Variants in HPSE2 observed in about 807,000 individuals in gnomAD.
The protein encoded by HPSE2 is inactive heparanase-2.
HPSE2 carries 38 observed loss-of-function variants against 60.5 expected under a neutral mutation model. The ratio of observed to expected loss-of-function variants is 0.63; its 90% CI spans 0.48 to 0.82. HPSE2 has a LOEUF of 0.82. Ranked by LOEUF, HPSE2 falls within the 40% of genes least tolerant of loss-of-function variation. The pLI is 0.00. For synonymous variants in HPSE2, 295 were observed against 293.2 expected, an observed-to-expected ratio of 1.01 and a Z score of -0.06; for missense variants, 713 against 740.4, an observed-to-expected ratio of 0.96 and a Z score of 0.43.
chr10:98,606,149 C>G (rs522186), intron 9 of HPSE2, among the ~76,000 whole-genome samples: 55,144 of 151,994 alleles, frequency 0.36, 10,460 homozygotes, highest in African/African-American at 0.48. Context: ...TCAGAATCTA[C>G]AAGTGTCTGG....
intron 3 of HPSE2, among the ~76,000 whole-genome samples, chr10:98,914,499 T>C (rs1180933659): frequency 1.3e-5 from 2 of 151,030 alleles, no homozygotes; most frequent in African/African-American, 4.9e-5. Context: ...AACTATAAAA[T>C]AAAAATTAAG....
At chr10:98,561,617 G>A (rs538164535) in intron 9 of HPSE2, among the ~76,000 whole-genome samples, 45 of 152,306 alleles carry the variant, frequency 3.0e-4, no homozygotes, top group African/African-American at 1.1e-3. Context: ...GGAGGCCAAG[G>A]CAGGCAGATC....
At chr10:98,567,164 G>T (rs921617797) in intron 9 of HPSE2, among the ~76,000 whole-genome samples, 2 of 152,176 alleles carry the variant, frequency 1.3e-5, no homozygotes. Context: ...GACACAGGTA[G>T]CCCAAGCAAC....
intron 3 of HPSE2, among the ~76,000 whole-genome samples, chr10:98,885,787 AC>A (rs1953147510): frequency 2.0e-5 from 3 of 152,118 alleles, no homozygotes; most frequent in Admixed American, 6.6e-5. Flanking sequence ...GCACTGTGAA[AC>A]CAAAAACCTC....
At chr10:98,867,823 G>A (rs1952628226) in intron 3 of HPSE2, among the ~76,000 whole-genome samples, 1 of 152,124 alleles carries the variant, frequency 6.6e-6, no homozygotes, top group Non-Finnish European at 1.5e-5. Context: ...ACTTTGGGAG[G>A]CCAAGGCAGG....
intron 3 of HPSE2, among the ~76,000 whole-genome samples, chr10:99,037,854 A>G (rs2135466492): frequency 6.6e-6 from 1 of 152,182 alleles, no homozygotes; most frequent in East Asian, 1.9e-4. Context: ...TAAAAAAACA[A>G]ACAACCCACT....
chr10:98,802,782 CG>C (rs1950946347), intron 3 of HPSE2, among the ~76,000 whole-genome samples: 1 of 140,580 alleles, frequency 7.1e-6, no homozygotes, highest in African/African-American at 2.7e-5. Flanking sequence ...AATAAACATA[CG>C]TGTGCATGTG....
At chr10:99,313,983 G>T in the HPSE2 span, among the ~76,000 whole-genome samples, 3 of 152,058 alleles carry the variant, frequency 2.0e-5, no homozygotes, top group Non-Finnish European at 4.4e-5. Flanking sequence ...TCTTTTAAGT[G>T]AATAGAAGCA....
intron 3 of HPSE2, among the ~76,000 whole-genome samples, chr10:98,974,361 A>G (rs1002833368): frequency 1.3e-5 from 2 of 151,678 alleles, no homozygotes; most frequent in African/African-American, 4.8e-5. Flanking sequence ...TTTGAGATGG[A>G]GTCTCGCTCT....
intron 3 of HPSE2, among the ~76,000 whole-genome samples, chr10:99,026,347 A>G (rs566704187): frequency 2.0e-5 from 3 of 152,220 alleles, no homozygotes; most frequent in Admixed American, 2.0e-4. Context: ...GACAGATGTC[A>G]GGAGAAAAAC....
chr10:99,300,817 C>A, the HPSE2 span, among the ~76,000 whole-genome samples: 4 of 152,160 alleles, frequency 2.6e-5, no homozygotes, highest in Non-Finnish European at 5.9e-5. Context: ...GTTTTAAAAC[C>A]CAATGTTAAT....
intron 6 of HPSE2, among the ~76,000 whole-genome samples, chr10:98,657,018 T>A (rs1947087539): frequency 6.6e-6 from 1 of 152,002 alleles, no homozygotes; most frequent in African/African-American, 2.4e-5. Context: ...CCATCTTGGC[T>A]TCCTAAAGTG....
intron 3 of HPSE2, among the ~76,000 whole-genome samples, chr10:98,919,116 A>G (rs541098879): frequency 4.1e-4 from 62 of 152,334 alleles, no homozygotes; most frequent in African/African-American, 1.4e-3. Flanking sequence ...AAAGTGATCA[A>G]TGCTGACTAG....
chr10:99,040,488 T>C (rs1441597048), intron 3 of HPSE2, among the ~76,000 whole-genome samples: 1 of 152,178 alleles, frequency 6.6e-6, no homozygotes. Context: ...TTGTCTTCTA[T>C]ATTCGTATCC....
chr10:99,127,285 G>T (rs573010586), intron 3 of HPSE2, among the ~76,000 whole-genome samples: 1 of 152,170 alleles, frequency 6.6e-6, no homozygotes, highest in South Asian at 2.1e-4. Context: ...CAGAGAAATA[G>T]ATATCATAAA....
intron 9 of HPSE2, among the ~76,000 whole-genome samples, chr10:98,491,873 T>C (rs1220047183): frequency 6.6e-6 from 1 of 152,068 alleles, no homozygotes; most frequent in Non-Finnish European, 1.5e-5. Context: ...ACCTAAAGGG[T>C]GGGTATAGAA....
At chr10:99,048,053 TATATTGCATGGGGGTACCCAA>T in intron 3 of HPSE2, 4 of 696,396 alleles carry the variant, frequency 5.7e-6, no homozygotes, top group Non-Finnish European at 1.0e-5. Flanking sequence ...TATAGAACCA[TATATTGCATGGGGGTACCCAA>T]ATATGAAGTC....
chr10:99,313,822 G>A, the HPSE2 span, among the ~76,000 whole-genome samples: 3 of 151,452 alleles, frequency 2.0e-5, no homozygotes, highest in African/African-American at 4.9e-5. Flanking sequence ...GGATGGTCTC[G>A]ATCTCTTGAC....
intron 4 of HPSE2, among the ~76,000 whole-genome samples, chr10:98,728,394 G>A (rs1949144753): frequency 6.6e-6 from 1 of 152,148 alleles, no homozygotes; most frequent in African/African-American, 2.4e-5. Flanking sequence ...GAGGTGGGTG[G>A]ATCACCTGAG....
Sources: gnomAD v4.1 joint callset for allele counts (sites outside exome capture counted in the v4.1 genomes callset) on GRCh38, gnomAD v4.1.1 for gene constraint, MANE v1.5 for transcripts, NCBI Gene and HGNC (gene_info 2026-07-23, HGNC 2026-07-21) for gene names.